Variants in DSCAM observed in about 807,000 individuals in gnomAD.
DSCAM encodes the protein cell adhesion molecule DSCAM.
A neutral mutation model predicts 217.7 loss-of-function variants in DSCAM; 47 were observed. The observed-to-expected ratio is 0.22, with a 90% CI of 0.17 to 0.28. The LOEUF is 0.28. DSCAM is among the 10% of genes least tolerant of loss of function. The probability of loss-of-function intolerance (pLI) is 1.00; values close to 1 mark genes in which losing one functional copy is unlikely to be tolerated. For synonymous variants in DSCAM, 1,056 were observed against 1,015.3 expected, an observed-to-expected ratio of 1.04 and a Z score of -0.76; for missense variants, 2,080 against 2,618.3, an observed-to-expected ratio of 0.79 and a Z score of 4.49.
chr21:40,263,948 C>A (rs1164961506), intron 11 of DSCAM, among the ~76,000 whole-genome samples: 3 of 151,978 alleles, frequency 2.0e-5, no homozygotes, highest in African/African-American at 4.8e-5. Context: ...ACTAGAAAAT[C>A]TAGAGGAAAT....
Position 40,609,644 on chromosome 21 carries a change from A to G in DSCAM, c.508+83166T>C, listed in dbSNP as rs2089287321. Among the ~76,000 whole-genome samples, 5 of 152,342 alleles carry G rather than the reference A, an allele frequency of 3.3e-5. 1 individual carries two copies. The South Asian group carries it at 1.0e-3, about 32-fold the overall frequency. ...GTGGAAGGGATGAACTTCTGTGAGA[A>G]AAGGAAAGATGACTCAGGAAGGGGA... On this transcript the variant is annotated intron_variant, in intron 3 of 32. Coordinates refer to ENST00000400454, the MANE Select transcript of DSCAM (RefSeq NM_001389.5).
chr21:40,659,572 GTATC>G (rs1254031389), intron 3 of DSCAM, among the ~76,000 whole-genome samples: 7 of 151,836 alleles, frequency 4.6e-5, no homozygotes, highest in African/African-American at 2.4e-5. Flanking sequence ...ATTTATCTAT[GTATC>G]TATCTTTCAT....
chr21:40,652,632 C>A lies in DSCAM; in HGVS notation c.508+40178G>T, dbSNP rs575690186. The stretch of plus-strand genomic sequence containing the variant: ...TAGCTGAGAGCCCAGGGAATCTAGG[C>A]CTGTGTGCAGTAAAGGGTTAATCCC... On this transcript the variant is annotated intron_variant, in intron 3 of 32. Transcript: ENST00000400454. Among the ~76,000 whole-genome samples, 6 of 152,290 alleles carry A rather than the reference C, an allele frequency of 3.9e-5. No homozygotes were observed. The East Asian group carries it at 1.2e-3, about 29-fold the overall frequency.
intron 31 of DSCAM, among the ~76,000 whole-genome samples, chr21:40,043,481 T>C (rs2088791511): frequency 6.6e-6 from 1 of 152,184 alleles, no homozygotes; most frequent in Non-Finnish European, 1.5e-5. Context: ...AGCTATTAGA[T>C]TCAGATGTAA....
At chr21:40,642,991 T>C (rs1024439063) in intron 3 of DSCAM, among the ~76,000 whole-genome samples, 2 of 152,176 alleles carry the variant, frequency 1.3e-5, no homozygotes, top group Non-Finnish European at 2.9e-5. Flanking sequence ...CTGGGATACA[T>C]AGGCTGGGGC....
chr21:40,321,695 C>T (rs1029439968), intron 8 of DSCAM, among the ~76,000 whole-genome samples: 1 of 150,708 alleles, frequency 6.6e-6, no homozygotes, highest in Non-Finnish European at 1.5e-5. Flanking sequence ...TAAAACATTG[C>T]TGCGAGCATT....
rs376852214 is a variant in DSCAM at position 40,655,446 on chromosome 21, C to CTTTTT, written c.508+37359_508+37363dup. ...ATTGTGCTCCCTTCAATCTGTCTCTCTTTTTTTTTTTTTTGAGACAGGGTC... is the reference window on the plus strand; with the variant it reads ...ATTGTGCTCCCTTCAATCTGTCTCTCTTTTTTTTTTTTTTTTTTTGAGACAGGGTC... On this transcript the variant is annotated intron_variant, in intron 3 of 32. Coordinates refer to ENST00000400454, the MANE Select transcript of DSCAM (RefSeq NM_001389.5). Among the ~76,000 whole-genome samples the CTTTTT allele has an allele frequency of 2.7e-3, 378 of 138,866 alleles. 7 individuals are homozygous for CTTTTT. The highest frequency in any genetic ancestry group is 8.7e-3 in the East Asian group (40 of 4,616). The allele number at this position is 138,866 out of a possible 152,430, so 91.1% of individuals were successfully genotyped here.
At chr21:40,172,401 C>G (rs11911693) in intron 15 of DSCAM, among the ~76,000 whole-genome samples, 65 of 152,358 alleles carry the variant, frequency 4.3e-4, no homozygotes, top group African/African-American at 1.5e-3. Flanking sequence ...AAAGTCAGGA[C>G]AATTCATTCT....
chr21:40,194,936 A>G (rs1422016059), intron 11 of DSCAM, among the ~76,000 whole-genome samples: 2 of 152,186 alleles, frequency 1.3e-5, no homozygotes, highest in Non-Finnish European at 2.9e-5. Flanking sequence ...GCTAATTGTT[A>G]AACATTTACC....
At chr21:40,057,221 C>T (rs746160593) in intron 28 of DSCAM, among the ~76,000 whole-genome samples, 3 of 152,190 alleles carry the variant, frequency 2.0e-5, no homozygotes, top group Non-Finnish European at 4.4e-5. Context: ...CAAATTCAAA[C>T]GTTTTGTCCT....
At chr21:40,832,627 C>G (rs1435178975) in intron 1 of DSCAM, among the ~76,000 whole-genome samples, 1 of 152,116 alleles carries the variant, frequency 6.6e-6, no homozygotes, top group African/African-American at 2.4e-5. Flanking sequence ...CCAGCCAGAT[C>G]AAAACACAGG....
chr21:40,535,626 G>A (rs745489811), intron 3 of DSCAM, among the ~76,000 whole-genome samples: 3 of 152,176 alleles, frequency 2.0e-5, no homozygotes, highest in Non-Finnish European at 4.4e-5. Context: ...TATCAGATAT[G>A]TAGCAAGCAC....
At chr21:40,734,062 T>C (rs1259734936) in intron 1 of DSCAM, among the ~76,000 whole-genome samples, 3 of 152,210 alleles carry the variant, frequency 2.0e-5, no homozygotes, top group Non-Finnish European at 2.9e-5. Context: ...AACTTAATTA[T>C]ACAAATGTCA....
intron 3 of DSCAM, among the ~76,000 whole-genome samples, chr21:40,682,591 G>GAGAGAAAGAGAGAAAGAGAGAGAC (rs1175219740): frequency 8.4e-6 from 1 of 119,726 alleles, no homozygotes; most frequent in East Asian, 2.3e-4. Flanking sequence ...GAGAAAGAGA[G>GAGAGAAAGAGAGAAAGAGAGAGAC]AGAGAAAGAG....
rs1446276909 is a variant in DSCAM, at chr21:40,317,622, C to T, written c.1784-5263G>A. 1.2e-4 allele frequency among the ~76,000 whole-genome samples: 18 copies of T among 152,074 alleles called. 1 individual carries two copies. The highest frequency in any genetic ancestry group is 2.2e-4 in the Non-Finnish European group (15 of 68,006). On this transcript the variant is annotated intron_variant, in intron 8 of 32. Transcript: ENST00000400454. ...TCGCCTCACTGCAACCTCCACCTCC[C>T]GGGCTCAAGTGATTCTCCTGCCTCA...
intron 32 of DSCAM, among the ~76,000 whole-genome samples, chr21:40,027,468 G>A (rs1411585708): frequency 6.7e-6 from 1 of 148,890 alleles, no homozygotes; most frequent in African/African-American, 2.5e-5. Context: ...ATCCTGCAGA[G>A]TGTTTTTCAA....
chr21:40,396,699 T>C (rs982920701), intron 3 of DSCAM, among the ~76,000 whole-genome samples: 2 of 151,948 alleles, frequency 1.3e-5, no homozygotes, highest in East Asian at 3.9e-4. Flanking sequence ...CTACTACTAC[T>C]ACCACCACTC....
chr21:40,553,083 TAACA>T (rs1455041285), intron 3 of DSCAM, among the ~76,000 whole-genome samples: 1 of 152,220 alleles, frequency 6.6e-6, no homozygotes, highest in Non-Finnish European at 1.5e-5. Context: ...AAGATATTAA[TAACA>T]AACCGTTTAA....
At chr21:40,510,120 T>C (rs192173562) in intron 3 of DSCAM, among the ~76,000 whole-genome samples, 265 of 152,114 alleles carry the variant, frequency 1.7e-3, no homozygotes, top group African/African-American at 5.8e-3. Context: ...CGAGACTCCA[T>C]CTCATAAAAA....
Sources: gnomAD v4.1 joint callset for allele counts (sites outside exome capture counted in the v4.1 genomes callset) on GRCh38, gnomAD v4.1.1 for gene constraint, MANE v1.5 for transcripts, NCBI Gene and HGNC (gene_info 2026-07-23, HGNC 2026-07-21) for gene names.